BRWD3: variants seen among roughly 807,000 people sequenced by gnomAD.
BRWD3 encodes the protein bromodomain and WD repeat domain containing 3.
BRWD3 carries 10 observed loss-of-function variants against 149.7 expected under a neutral mutation model. The ratio of observed to expected loss-of-function variants is 0.07; its 90% confidence interval spans 0.04 to 0.11. BRWD3 has a LOEUF of 0.11. Ranked by LOEUF, BRWD3 falls within the 10% of genes least tolerant of loss-of-function variation. The pLI is 1.00. For synonymous variants in BRWD3, 504 were observed against 456.7 expected, an observed-to-expected ratio of 1.10 and a Z score of -1.32; for missense variants, 940 against 1,373.2, an observed-to-expected ratio of 0.68 and a Z score of 4.99.
chrX:80,716,490 CCTT>C (rs1012489476), intron 19 of BRWD3, among the ~76,000 whole-genome samples: 22 of 111,997 alleles, frequency 2.0e-4, no homozygotes, highest in African/African-American at 6.1e-4. Context: ...CCCATTTTCT[CCTT>C]CTTCCTAGCC....
At chrX:80,704,350 CAT>C (rs1306294144) in intron 23 of BRWD3, among the ~76,000 whole-genome samples, 1 of 111,839 alleles carries the variant, frequency 8.9e-6, no homozygotes, top group African/African-American at 3.3e-5. Context: ...CAAAATACCA[CAT>C]GACAAGAATA....
intron 6 of BRWD3, among the ~76,000 whole-genome samples, chrX:80,768,324 G>C (rs931232143): frequency 5.4e-5 from 6 of 111,263 alleles, no homozygotes; most frequent in African/African-American, 2.0e-4. Flanking sequence ...TAAGGGCAGA[G>C]AGAGAGAAAG....
At chrX:80,795,352 T>C (rs181418434) in intron 4 of BRWD3, among the ~76,000 whole-genome samples, 121 of 108,542 alleles carry the variant, frequency 1.1e-3, no homozygotes, top group Middle Eastern at 4.9e-3. Flanking sequence ...TGTATATATA[T>C]ACACACACAC....
intron 6 of BRWD3, chrX:80,746,944 T>A: frequency 2.2e-6 from 1 of 450,582 alleles, no homozygotes; most frequent in Non-Finnish European, 2.8e-6. Flanking sequence ...TATAAACAAT[T>A]AGAACACATA....
At chrX:80,756,502 CAAAAAAA>C (rs974549325) in intron 6 of BRWD3, among the ~76,000 whole-genome samples, 1 of 41,323 alleles carries the variant, frequency 2.4e-5, no homozygotes, top group East Asian at 1.0e-3. Context: ...AACTCTGTCT[CAAAAAAA>C]AAAAAAAAAA....
rs889063167 is a variant in BRWD3 at position 80,674,342 on chromosome X, C to G, written c.*2267G>C. On this transcript the variant is annotated 3_prime_UTR_variant, in exon 41 of 41. Coordinates refer to ENST00000373275, the MANE Select transcript of BRWD3 (RefSeq NM_153252.5). ...TTCAAAATAAATTATAAATAAAGCT[C>G]CAGATAGCCAAAATCACACAAATGT... 2 of 111,199 alleles carry G rather than the reference C, an allele frequency of 1.8e-5. No individual in the cohort carries two copies. The highest frequency in any genetic ancestry group is 6.5e-5 in the African/African-American group (2 of 30,702). 9.2% of individuals were successfully genotyped at this position (111,199 alleles called of 1,213,427 possible).
At position 80,728,851 on chromosome X, in the gene BRWD3, C is replaced by T; in HGVS notation, c.1287G>A (p.Val429=). 1 of 1,208,285 alleles carries T rather than the reference C, an allele frequency of 8.3e-7. No individual in the cohort carries two copies. The highest frequency in any genetic ancestry group is 1.8e-5 in the South Asian group (1 of 56,885). The change falls in exon 14 of 41, where the codon GTG becomes GTA. Residue 429 remains valine, a synonymous_variant. Coordinates refer to ENST00000373275, the MANE Select transcript of BRWD3 (RefSeq NM_153252.5). The part of the protein sequence containing the change: ...DKITKLKVTM[V]AWDRYDTTVI... ...CTGTGGTATCATAGCGATCCCAGGC[C>T]ACCATAGTCACCTTAAGTTTAGTGA...
chrX:80,727,749 T>C (rs1253733812), intron 14 of BRWD3, among the ~76,000 whole-genome samples: 1 of 111,091 alleles, frequency 9.0e-6, no homozygotes, highest in Non-Finnish European at 1.9e-5. Flanking sequence ...TTCCTACTTA[T>C]CTTTCAAAAC....
At position 80,683,972 on chromosome X, in the gene BRWD3, G is replaced by A. The variant is rs767603827; in HGVS notation, c.4233+38C>T. 7 of 1,186,215 alleles carry A rather than the reference G, an allele frequency of 5.9e-6. No individual in the cohort carries two copies. The African/African-American group carries it at 1.1e-4, about 18-fold the overall frequency. ...GACCAATTTTCAGTAACTGGTTAAA[G>A]AAAACTGCCTGATAATTAACCCAAC... On this transcript the variant is annotated intron_variant, in intron 37 of 40. Transcript: ENST00000373275.
chrX:80,703,677 G>A lies in BRWD3; in HGVS notation c.2722-84C>T, dbSNP rs1018868163. ...CACATAAACAATAGTATGAAAAATAGTAGGTAGAGAAGATTAAAAATTTCA... is the reference window on the plus strand; with the variant it reads ...CACATAAACAATAGTATGAAAAATAATAGGTAGAGAAGATTAAAAATTTCA... On this transcript the variant is annotated intron_variant, in intron 23 of 40. Coordinates refer to ENST00000373275, the MANE Select transcript of BRWD3 (RefSeq NM_153252.5). 60 of 671,326 alleles carry A rather than the reference G, an allele frequency of 8.9e-5. No homozygotes were observed. The African/African-American group carries it at 1.3e-3, about 15-fold the overall frequency. The allele number at this position is 671,326 out of a possible 1,213,427, so 55.3% of individuals were successfully genotyped here.
At chrX:80,703,325 T>C (rs1402776770) in intron 24 of BRWD3, among the ~76,000 whole-genome samples, 155 bp downstream of exon 24, 1 of 111,349 alleles carries the variant, frequency 9.0e-6, no homozygotes, top group Non-Finnish European at 1.9e-5. Flanking sequence ...TTAATACTGT[T>C]CAGTCCCCTT....
Position 80,684,036 on chromosome X carries a change from C to T in BRWD3, c.4207G>A (p.Ala1403Thr), listed in dbSNP as rs1375305924. The change falls in exon 37 of 41, where the codon GCT (alanine) becomes ACT (threonine). Residue 1403 changes from alanine (A) to threonine (T), a missense_variant. Physicochemically the swap from Ala to Thr is moderately conservative, Grantham distance 58 (BLOSUM62 0). Transcript: ENST00000373275. Reference protein sequence around the residue: ...DVRQIFNNSKAYTSNKKSRIY... With the variant: ...DVRQIFNNSKTYTSNKKSRIY... ...CTTGACTTTTTATTAGAGGTATAAGCTTTGGAGTTGTTGAATATTTGGCGA... is the reference window on the plus strand; with the variant it reads ...CTTGACTTTTTATTAGAGGTATAAGTTTTGGAGTTGTTGAATATTTGGCGA... 2.5e-6 allele frequency: 3 copies of T among 1,208,671 alleles called. No individual in the cohort carries two copies. Among genetic ancestry groups the T allele is most frequent in the Non-Finnish European group, 2.2e-6 (2 of 893,359 alleles).
intron 24 of BRWD3, among the ~76,000 whole-genome samples, chrX:80,703,013 C>CTCT (rs1383885414): frequency 9.0e-6 from 1 of 111,405 alleles, no homozygotes; most frequent in African/African-American, 3.3e-5. Context: ...TATGGCTACA[C>CTCT]TCATCAATCA....
In BRWD3 at chrX:80,709,351, T is replaced by A. The variant is rs2072923096; in HGVS notation, c.2475+77A>T. 9.7e-6 allele frequency: 8 copies of A among 826,965 alleles called. No homozygotes were observed. In the South Asian group the frequency reaches 2.0e-4, roughly 20 times the overall value. The allele number at this position is 826,965 out of a possible 1,213,427, so 68.2% of individuals were successfully genotyped here. ...TTAAAATAATTTTCTATTAAAGAAG[T>A]GACCCTTAAACCCAAATGGATGATA... On this transcript the variant is annotated intron_variant, in intron 21 of 40. Transcript: ENST00000373275.
intron 36 of BRWD3, 66 bp downstream of exon 36, chrX:80,685,396 G>T: frequency 1.1e-6 from 1 of 936,415 alleles, no homozygotes; most frequent in Non-Finnish European, 1.5e-6. Context: ...TAAGATTCAT[G>T]TACAGTATGG....
intron 6 of BRWD3, among the ~76,000 whole-genome samples, chrX:80,790,373 G>A (rs1391333976): frequency 9.1e-6 from 1 of 110,161 alleles, no homozygotes; most frequent in African/African-American, 3.3e-5. Flanking sequence ...TTTTTGTCAG[G>A]CTTTGAATTC....
At chrX:80,697,072 C>T (rs1463474211) in intron 25 of BRWD3, among the ~76,000 whole-genome samples, 1 of 110,845 alleles carries the variant, frequency 9.0e-6, no homozygotes, top group Admixed American at 9.7e-5. Flanking sequence ...GATGAGCAGC[C>T]ACATCACCTG....
chrX:80,772,329 A>G (rs965828692), intron 6 of BRWD3, among the ~76,000 whole-genome samples: 1 of 111,407 alleles, frequency 9.0e-6, no homozygotes, highest in African/African-American at 3.3e-5. Context: ...GGACATGGAT[A>G]CAGTTGGAAA....
At chrX:80,767,271 A>G (rs1290478739) in intron 6 of BRWD3, among the ~76,000 whole-genome samples, 2 of 112,064 alleles carry the variant, frequency 1.8e-5, no homozygotes, top group East Asian at 5.7e-4. Flanking sequence ...ACCCCTGTGT[A>G]GCCTAACTGG....
Sources: gnomAD v4.1 joint callset for allele counts (sites outside exome capture counted in the v4.1 genomes callset) on GRCh38, gnomAD v4.1.1 for gene constraint, MANE v1.5 for transcripts, NCBI Gene and HGNC (gene_info 2026-07-23, HGNC 2026-07-21) for gene names.